The following MBNL2 variants were observed in gnomAD, a reference collection of about 807,000 sequenced individuals.
MBNL2 encodes muscleblind-like protein 2.
MBNL2 carries 17 observed loss-of-function variants against 41.9 expected under a neutral mutation model. The ratio of observed to expected loss-of-function variants is 0.41; its 90% CI spans 0.28 to 0.61. MBNL2 has a LOEUF of 0.61. MBNL2 is among the 20% of genes least tolerant of loss of function. The probability of loss-of-function intolerance (pLI) is 0.35; values close to 1 mark genes in which losing one functional copy is unlikely to be tolerated. For synonymous variants in MBNL2, 195 were observed against 182.9 expected, an observed-to-expected ratio of 1.07 and a Z score of -0.53; for missense variants, 336 against 505.6, an observed-to-expected ratio of 0.66 and a Z score of 3.22.
the MBNL2 span, among the ~76,000 whole-genome samples, chr13:97,142,225 T>C: frequency 0.033 from 5,088 of 152,290 alleles, 106 homozygotes; most frequent in Middle Eastern, 0.075. Flanking sequence ...CAGTAGAAAG[T>C]TGTTGATTTA....
intron 2 of MBNL2, among the ~76,000 whole-genome samples, chr13:97,297,495 A>G (rs58421118): frequency 0.093 from 14,135 of 152,060 alleles, 745 homozygotes; most frequent in South Asian, 0.14. Context: ...TTGGGGTGGG[A>G]ATGGGTAAGA....
intron 3 of MBNL2, among the ~76,000 whole-genome samples, chr13:97,336,894 T>G (rs2060932763): frequency 6.6e-6 from 1 of 152,218 alleles, no homozygotes; most frequent in Non-Finnish European, 1.5e-5. Flanking sequence ...TAAACTAAAC[T>G]TCTTTACAGT....
At chr13:97,210,713 C>T in the MBNL2 span, among the ~76,000 whole-genome samples, 3 of 150,272 alleles carry the variant, frequency 2.0e-5, no homozygotes, top group East Asian at 4.0e-4. Context: ...ATGCCTTAAC[C>T]TCCCAAGTAG....
chr13:97,288,019 C>G (rs750348878), intron 2 of MBNL2, among the ~76,000 whole-genome samples: 1 of 151,006 alleles, frequency 6.6e-6, no homozygotes, highest in Non-Finnish European at 1.5e-5. Context: ...AACAATCCAC[C>G]TGCTTCGGCC....
At chr13:97,266,933 T>A (rs1268461377) in intron 1 of MBNL2, among the ~76,000 whole-genome samples, 1 of 152,048 alleles carries the variant, frequency 6.6e-6, no homozygotes, top group Non-Finnish European at 1.5e-5. Context: ...TTTAATCAGC[T>A]CCCTAGGAGG....
At chr13:97,187,019 A>C in the MBNL2 span, among the ~76,000 whole-genome samples, 1 of 152,298 alleles carries the variant, frequency 6.6e-6, no homozygotes, top group South Asian at 2.1e-4. Flanking sequence ...CCCTCAAAAT[A>C]GTGAGAATTC....
At chr13:97,190,792 A>AG in the MBNL2 span, among the ~76,000 whole-genome samples, 1 of 152,316 alleles carries the variant, frequency 6.6e-6, no homozygotes, top group African/African-American at 2.4e-5. Context: ...TGTTCTTCAG[A>AG]GGCCAACTTG....
At chr13:97,213,959 A>T in the MBNL2 span, among the ~76,000 whole-genome samples, 2 of 152,224 alleles carry the variant, frequency 1.3e-5, no homozygotes, top group African/African-American at 2.4e-5. Flanking sequence ...GTTGGAGATG[A>T]CAATGTCTTC....
Position 97,276,274 on chromosome 13 carries a change from G to T in MBNL2, c.39G>T (p.Trp13Cys). 6.2e-7 allele frequency: 1 copy of T among 1,613,872 alleles called. No homozygotes were observed. Among genetic ancestry groups the T allele is most frequent in the Non-Finnish European group, 8.5e-7 (1 of 1,179,850 alleles). Reference sequence around the variant, plus strand: ...TTGCCCCAGTCAGAGATACAAAATGGCTGACATTAGAAGTCTGCAGACAGT... The same window carrying T: ...TTGCCCCAGTCAGAGATACAAAATGTCTGACATTAGAAGTCTGCAGACAGT... ...LNVAPVRDTK[W>C]LTLEVCRQFQ... The change falls in exon 2 of 9, where the codon TGG becomes TGT. Residue 13 changes from tryptophan (W) to cysteine (C), a missense_variant. By Grantham distance (215) the Trp-to-Cys change is radical. Coordinates refer to ENST00000679496, the MANE Select transcript of MBNL2 (RefSeq NM_001382683.1).
chr13:97,355,385 A>G (rs910405052), intron 5 of MBNL2, among the ~76,000 whole-genome samples: 3 of 152,130 alleles, frequency 2.0e-5, no homozygotes, highest in African/African-American at 7.2e-5. Context: ...TTATCCAGGA[A>G]AATGTCATTA....
the MBNL2 span, among the ~76,000 whole-genome samples, chr13:97,179,781 G>A: frequency 2.0e-5 from 3 of 152,168 alleles, no homozygotes; most frequent in Non-Finnish European, 4.4e-5. Context: ...GCCCCAAGGA[G>A]AAAAGGAGCA....
chr13:97,366,995 T>A lies in MBNL2; in HGVS notation c.1048+1824T>A, dbSNP rs1362995014. 6.6e-6 allele frequency among the ~76,000 whole-genome samples: 1 copy of A among 152,098 alleles called. No homozygotes were observed. Among genetic ancestry groups the A allele is most frequent in the Non-Finnish European group, 1.5e-5 (1 of 68,024 alleles). The stretch of plus-strand genomic sequence containing the variant: ...AAGAGTCATATTTGAGGCCTAAGTG[T>A]CATATTTGAGGTCTGAATAATTCTT... On this transcript the variant is annotated intron_variant, in intron 8 of 8. Transcript: ENST00000679496. The surrounding 1 kb of genome is among the most constrained non-coding windows in gnomAD (Gnocchi z 4.7).
At chr13:97,197,944 A>G in the MBNL2 span, among the ~76,000 whole-genome samples, 2 of 151,980 alleles carry the variant, frequency 1.3e-5, no homozygotes, top group African/African-American at 2.4e-5. Flanking sequence ...TAGAAATAAG[A>G]CTCTTGCCAG....
At chr13:97,314,804 G>C (rs901178824) in intron 2 of MBNL2, among the ~76,000 whole-genome samples, 3 of 152,172 alleles carry the variant, frequency 2.0e-5, no homozygotes, top group Non-Finnish European at 4.4e-5. Context: ...CTTGGCTTTT[G>C]AGAGAGCTAA....
At chr13:97,376,718 A>G (rs1173282205) in intron 8 of MBNL2, among the ~76,000 whole-genome samples, 2 of 152,316 alleles carry the variant, frequency 1.3e-5, no homozygotes, top group African/African-American at 4.8e-5. Context: ...CACATCAGGC[A>G]TTGTAGGTCT....
chr13:97,231,697 A>T (rs543852523), intron 1 of MBNL2, among the ~76,000 whole-genome samples: 144 of 152,236 alleles, frequency 9.5e-4, no homozygotes, highest in Non-Finnish European at 1.0e-3. Flanking sequence ...CCCATTCCCG[A>T]GACGTCTATC....
intron 6 of MBNL2, among the ~76,000 whole-genome samples, chr13:97,357,232 T>C (rs2063069186): frequency 6.6e-6 from 1 of 152,166 alleles, no homozygotes; most frequent in East Asian, 1.9e-4. Flanking sequence ...TTTTTTTTGT[T>C]GTTGTTGCTT....
intron 2 of MBNL2, among the ~76,000 whole-genome samples, chr13:97,296,655 T>G (rs1566400840): frequency 6.6e-6 from 1 of 152,160 alleles, no homozygotes; most frequent in Non-Finnish European, 1.5e-5. Context: ...TCTTTACCAT[T>G]TAAATTTGAG....
chr13:97,355,911 G>C (rs1180037108), intron 5 of MBNL2, among the ~76,000 whole-genome samples: 1 of 152,156 alleles, frequency 6.6e-6, no homozygotes, highest in Non-Finnish European at 1.5e-5. Context: ...TATTTTGATA[G>C]CTGGGGACAC....
Sources: gnomAD v4.1 joint callset for allele counts (sites outside exome capture counted in the v4.1 genomes callset) on GRCh38, gnomAD v4.1.1 for gene constraint, Gnocchi (gnomAD v3.1) non-coding constraint, MANE v1.5 for transcripts, NCBI Gene and HGNC (gene_info 2026-07-23, HGNC 2026-07-21) for gene names.